The following SMAD2 variants were observed in gnomAD, a reference collection of about 807,000 sequenced individuals.
SMAD2 encodes the protein SMAD family member 2, also known as MAD homolog 2.
A neutral mutation model predicts 64.4 loss-of-function variants in SMAD2; 8 were observed. The ratio of observed to expected loss-of-function variants is 0.12; its 90% CI spans 0.07 to 0.22. The LOEUF (loss-of-function observed/expected upper bound fraction) is 0.22, where lower values mean the gene tolerates loss of function less well. Ranked by LOEUF, SMAD2 falls within the 10% of genes least tolerant of loss-of-function variation. The pLI is 1.00. For missense variants in SMAD2, 289 were observed against 561.2 expected (o/e 0.51, Z 4.90); for synonymous variants, 203 against 195.8 (o/e 1.04, Z -0.31).
chr18:47,876,904 G>T (rs1017806331), intron 2 of SMAD2, among the ~76,000 whole-genome samples: 1 of 151,908 alleles, frequency 6.6e-6, no homozygotes, highest in African/African-American at 2.4e-5. Flanking sequence ...TTTGCGTTAA[G>T]GATATAGATA....
chr18:47,924,243 C>A (rs1251684977), intron 1 of SMAD2, among the ~76,000 whole-genome samples: 3 of 109,652 alleles, frequency 2.7e-5, no homozygotes, highest in African/African-American at 1.0e-4. Context: ...AGCAAAACTC[C>A]GTCTCAAAAA....
intron 2 of SMAD2, among the ~76,000 whole-genome samples, chr18:47,877,171 T>A (rs2032313690): frequency 6.6e-6 from 1 of 152,054 alleles, no homozygotes; most frequent in Admixed American, 6.6e-5. Flanking sequence ...ATTTTTTTTT[T>A]TTTTTAACAA....
At chr18:47,868,825 C>CAA (rs1036005880) in intron 4 of SMAD2, among the ~76,000 whole-genome samples, 6 of 152,092 alleles carry the variant, frequency 3.9e-5, no homozygotes, top group African/African-American at 1.4e-4. Flanking sequence ...TTAATAGTTT[C>CAA]AGGTAGACAG....
chr18:47,827,849 G>A lies in SMAD2; in HGVS notation c.*13978C>T, dbSNP rs377247876. 2.8e-4 allele frequency: 54 copies of A among 189,826 alleles called. No homozygotes were observed. The East Asian group carries it at 5.6e-3, about 20-fold the overall frequency. The allele number at this position is 189,826 out of a possible 1,614,324, so 11.8% of individuals were successfully genotyped here. A position where few individuals can be genotyped will look rare whatever the true frequency, so the allele number is the denominator to read the frequency against. ...TCGCTACAACCTCCACCTCCCAGCC[G>A]CCTGCCTTGGCCTCCCAAAGTGCGG... On this transcript the variant is annotated 3_prime_UTR_variant, in exon 11 of 11. Transcript: ENST00000262160.
At chr18:47,886,878 A>T (rs2032938702) in intron 2 of SMAD2, 1 of 164,446 alleles carries the variant, frequency 6.1e-6, no homozygotes, top group Non-Finnish European at 1.3e-5. Flanking sequence ...ATTTCTTTGA[A>T]AATAAAGCAT....
chr18:47,923,906 A>C (rs932599295), intron 1 of SMAD2, among the ~76,000 whole-genome samples: 1 of 152,186 alleles, frequency 6.6e-6, no homozygotes, highest in Non-Finnish European at 1.5e-5. Flanking sequence ...TTTTTAAAAA[A>C]AAGTTTAATT....
At chr18:47,853,706 A>G (rs926057310) in intron 6 of SMAD2, among the ~76,000 whole-genome samples, 1 of 152,114 alleles carries the variant, frequency 6.6e-6, no homozygotes, top group Non-Finnish European at 1.5e-5. Context: ...GTCTTCCACA[A>G]CATAATTAAG....
At position 47,916,410 on chromosome 18, in the gene SMAD2, A is replaced by ATTTTG. The variant is rs540473126; in HGVS notation, c.-54+13946_-54+13950dup. On this transcript the variant is annotated intron_variant, in intron 1 of 10. Transcript: ENST00000262160. ...TTGGTACAGGTATATTTATTTATTT[A>ATTTTG]TTTTGTTTTGTTTTGTTTTGTTTTG... Among the ~76,000 whole-genome samples the ATTTTG allele has an allele frequency of 8.9e-3, 1,201 of 135,496 alleles. 16 individuals carry two copies. The highest frequency in any genetic ancestry group is 0.029 in the African/African-American group (1,116 of 38,608). The allele number at this position is 135,496 out of a possible 152,430, so 88.9% of individuals were successfully genotyped here. A position where few individuals can be genotyped will look rare whatever the true frequency, so the allele number is the denominator to read the frequency against.
rs541714119 is a variant in SMAD2 at position 47,872,622 on chromosome 18, C to T, written c.237-2058G>A. Among the ~76,000 whole-genome samples the T allele has an allele frequency of 3.3e-4, 50 of 152,230 alleles. 1 individual carries two copies. The South Asian group carries it at 0.01, about 31-fold the overall frequency. ...GTGAGCAGCAGGGGAGAGACCATTA[C>T]CACCTGAGCTCTGCCTCCTGGAAGA... On this transcript the variant is annotated intron_variant, in intron 2 of 10. Transcript: ENST00000262160.
intron 10 of SMAD2, chr18:47,844,980 G>T: frequency 2.2e-6 from 1 of 462,308 alleles, no homozygotes; most frequent in Non-Finnish European, 3.8e-6. Flanking sequence ...TATGACTATT[G>T]AAATCCAATG....
chr18:47,868,573 C>T (rs1019068444), intron 4 of SMAD2, 116 bp from the exon 5 acceptor site: 3 of 777,728 alleles, frequency 3.9e-6, no homozygotes, highest in Non-Finnish European at 6.6e-6. Flanking sequence ...AGCTAGGGTC[C>T]ACCTACTCGA....
intron 1 of SMAD2, among the ~76,000 whole-genome samples, chr18:47,905,734 AT>A (rs1323039071): frequency 6.6e-6 from 1 of 152,220 alleles, no homozygotes; most frequent in African/African-American, 2.4e-5. Context: ...ACCATCTTCA[AT>A]GGGAAAGCAG....
At chr18:47,850,410 TAA>T (rs1248550743) in intron 7 of SMAD2, among the ~76,000 whole-genome samples, 1 of 22,154 alleles carries the variant, frequency 4.5e-5, no homozygotes, top group Non-Finnish European at 7.1e-5. Flanking sequence ...ATATTATGTA[TAA>T]TATATATAAT....
At chr18:47,844,176 CTTCA>C (rs1387485064) in intron 10 of SMAD2, among the ~76,000 whole-genome samples, 1 of 152,066 alleles carries the variant, frequency 6.6e-6, no homozygotes, top group Non-Finnish European at 1.5e-5. Flanking sequence ...AGTGACAAGT[CTTCA>C]TTCTCTGATA....
intron 6 of SMAD2, among the ~76,000 whole-genome samples, chr18:47,857,378 T>C (rs921717049): frequency 1.3e-5 from 2 of 152,150 alleles, no homozygotes; most frequent in African/African-American, 4.8e-5. Flanking sequence ...GCATCTTAGG[T>C]TTTACATATT....
In SMAD2 at chr18:47,837,574, A is replaced by AAC. The variant is rs1555642142; in HGVS notation, c.*4252_*4253insGT. On this transcript the variant is annotated 3_prime_UTR_variant, in exon 11 of 11. Transcript: ENST00000262160. ...GAGACTCCCTCTCAAAAAAAAAAAA[A>AAC]AAAAACAAAAAACAAGGCTAACAAG... 5 of 227,920 alleles carry AAC rather than the reference A, an allele frequency of 2.2e-5. No individual in the cohort carries two copies. The highest frequency in any genetic ancestry group is 2.6e-5 in the Non-Finnish European group (3 of 115,620). The allele number at this position is 227,920 out of a possible 1,614,324, so 14.1% of individuals were successfully genotyped here. A position where few individuals can be genotyped will look rare whatever the true frequency, so the allele number is the denominator to read the frequency against.
chr18:47,831,742 T>C lies in SMAD2; in HGVS notation c.*10085A>G, dbSNP rs1276510859. 1 of 152,070 alleles carries C rather than the reference T, an allele frequency of 6.6e-6. No individual in the cohort carries two copies. The highest frequency in any genetic ancestry group is 2.4e-5 in the African/African-American group (1 of 41,460). 9.4% of individuals were successfully genotyped at this position (152,070 alleles called of 1,614,324 possible). ...CTATTAATGTGATTTTAAGAATTAC[T>C]GCATGTCTCACTATGGCAAAATAGC... On this transcript the variant is annotated 3_prime_UTR_variant, in exon 11 of 11. Transcript: ENST00000262160.
At chr18:47,912,322 G>A (rs2034169202) in intron 1 of SMAD2, 1 of 152,140 alleles carries the variant, frequency 6.6e-6, no homozygotes, top group South Asian at 2.1e-4. Flanking sequence ...TGACCTACTG[G>A]ACGTGCAGTT....
At position 47,837,774 on chromosome 18, in the gene SMAD2, T is replaced by C. The variant is rs140640272; in HGVS notation, c.*4053A>G. 1 of 233,006 alleles carries C rather than the reference T, an allele frequency of 4.3e-6. No homozygotes were observed. Among genetic ancestry groups the C allele is most frequent in the East Asian group, 6.0e-5 (1 of 16,634 alleles). The allele number at this position is 233,006 out of a possible 1,614,324, so 14.4% of individuals were successfully genotyped here. On this transcript the variant is annotated 3_prime_UTR_variant, in exon 11 of 11. Coordinates refer to ENST00000262160, the MANE Select transcript of SMAD2 (RefSeq NM_005901.6). The stretch of plus-strand genomic sequence containing the variant: ...CAGAGTAAGAAAAAAGTATTCATTG[T>C]TCATGTCCACAGACTAGATATCTAA...
Sources: allele counts gnomAD v4.1 joint callset (sites outside exome capture counted in the v4.1 genomes callset), GRCh38; gene constraint gnomAD v4.1.1; transcripts MANE v1.5; gene names NCBI Gene and HGNC (gene_info 2026-07-23, HGNC 2026-07-21).